NEDD9: variants seen among roughly 807,000 people sequenced by gnomAD.
The protein encoded by NEDD9 is enhancer of filamentation 1.
In NEDD9, 26 loss-of-function variants were observed where a neutral mutation model predicts 76.6. The observed-to-expected ratio is 0.34, with a 90% CI of 0.25 to 0.47. The LOEUF (loss-of-function observed/expected upper bound fraction) is 0.47. Among genes scored for constraint, NEDD9 ranks in the 20% least tolerant of loss-of-function variants. The pLI, the probability that NEDD9 is intolerant of heterozygous loss-of-function variation, is 1.00. For missense variants in NEDD9, 937 were observed against 1,058.5 expected (o/e 0.89, Z 1.59); for synonymous variants, 392 against 414.2 (o/e 0.95, Z 0.65).
chr6:11,296,625 T>C (rs1033446592), intron 3 of NEDD9, among the ~76,000 whole-genome samples: 11 of 147,910 alleles, frequency 7.4e-5, no homozygotes, highest in East Asian at 4.0e-4. Context: ...TTCCTTTCTT[T>C]CTTCCTTCCT....
intron 6 of NEDD9, among the ~76,000 whole-genome samples, chr6:11,187,849 C>G (rs146662687): frequency 6.6e-5 from 10 of 152,336 alleles, no homozygotes; most frequent in African/African-American, 2.2e-4. Context: ...CCAGACCTGG[C>G]TCTATCTTCA....
At chr6:11,205,828 G>C (rs915091162) in intron 2 of NEDD9, among the ~76,000 whole-genome samples, 1 of 152,008 alleles carries the variant, frequency 6.6e-6, no homozygotes, top group African/African-American at 2.4e-5. Context: ...GGGTTTCATG[G>C]TATCAGTCAG....
At chr6:11,330,798 T>C (rs958882098) in intron 2 of NEDD9, among the ~76,000 whole-genome samples, 2 of 152,238 alleles carry the variant, frequency 1.3e-5, no homozygotes, top group African/African-American at 4.8e-5. Context: ...TTTTATCAGT[T>C]ATAAAATTCT....
intron 1 of NEDD9, chr6:11,214,252 G>C (rs745813767): frequency 1.8e-5 from 9 of 506,336 alleles, no homozygotes; most frequent in Middle Eastern, 3.2e-4. Flanking sequence ...CCTTGGCAGG[G>C]CTTAGAAATT....
intron 3 of NEDD9, among the ~76,000 whole-genome samples, chr6:11,285,230 C>T (rs1162173449): frequency 6.6e-6 from 1 of 152,228 alleles, no homozygotes; most frequent in East Asian, 1.9e-4. Context: ...TCCTGACAGT[C>T]TGATACTGAG....
intron 2 of NEDD9, among the ~76,000 whole-genome samples, chr6:11,332,519 C>G (rs1302065524): frequency 6.6e-6 from 1 of 152,236 alleles, no homozygotes; most frequent in Non-Finnish European, 1.5e-5. Context: ...AACACCACAG[C>G]CTTGCACGTG....
rs558950684 is a variant in NEDD9, at chr6:11,241,805, C to T, written c.13-28078G>A. The stretch of plus-strand genomic sequence containing the variant: ...CCCCGCTGCCCTCATCAGCTGAGGC[C>T]GGCCAATGTCCAGCAGGCCCCGGGC... On this transcript the variant is annotated intron_variant, in intron 3 of 3. Coordinates refer to the NEDD9 transcript ENST00000397378. The surrounding 1 kb of genome is among the most constrained non-coding windows in gnomAD (Gnocchi z 4.0). 2.0e-5 allele frequency among the ~76,000 whole-genome samples: 3 copies of T among 152,328 alleles called. No individual in the cohort carries two copies. Among genetic ancestry groups the T allele is most frequent in the Non-Finnish European group, 2.9e-5 (2 of 68,022 alleles).
intron 3 of NEDD9, among the ~76,000 whole-genome samples, chr6:11,245,638 G>A (rs1267053549): frequency 6.6e-6 from 1 of 151,868 alleles, no homozygotes. Flanking sequence ...TGCGTTGGGG[G>A]AAAAAAATCA....
At chr6:11,332,253 G>C (rs1262195911) in intron 2 of NEDD9, among the ~76,000 whole-genome samples, 1 of 152,192 alleles carries the variant, frequency 6.6e-6, no homozygotes, top group Non-Finnish European at 1.5e-5. Flanking sequence ...AGAACTGCCA[G>C]GTTTGTTTTC....
intron 3 of NEDD9, among the ~76,000 whole-genome samples, chr6:11,289,183 A>G (rs1760711178): frequency 6.6e-6 from 1 of 152,268 alleles, no homozygotes; most frequent in African/African-American, 2.4e-5. Flanking sequence ...GAAGAGCTGG[A>G]ACAGCTAGCA....
intron 1 of NEDD9, among the ~76,000 whole-genome samples, chr6:11,357,900 C>T (rs1043857426): frequency 5.3e-5 from 8 of 152,152 alleles, no homozygotes; most frequent in African/African-American, 1.7e-4. Context: ...CCTTCCCTGC[C>T]TTTCTTCCAC....
chr6:11,372,536 T>C (rs1181607303), intron 1 of NEDD9, among the ~76,000 whole-genome samples: 1 of 152,368 alleles, frequency 6.6e-6, no homozygotes, highest in South Asian at 2.1e-4. Flanking sequence ...CTGGATCATA[T>C]GACAGCTCTA....
At chr6:11,346,733 T>C (rs1168533751) in intron 1 of NEDD9, among the ~76,000 whole-genome samples, 1 of 152,206 alleles carries the variant, frequency 6.6e-6, no homozygotes, top group Non-Finnish European at 1.5e-5. Context: ...TGACTTGCTT[T>C]GATCACTCAG....
chr6:11,317,168 C>T (rs1019849285), intron 2 of NEDD9, among the ~76,000 whole-genome samples: 1 of 152,140 alleles, frequency 6.6e-6, no homozygotes, highest in Non-Finnish European at 1.5e-5. Flanking sequence ...CACGGTGACT[C>T]ACACTTGTAA....
chr6:11,222,776 A>C (rs553729981), intron 1 of NEDD9, among the ~76,000 whole-genome samples: 5 of 152,372 alleles, frequency 3.3e-5, no homozygotes, highest in Admixed American at 6.5e-5. Flanking sequence ...TCACTGAAAC[A>C]AACTGGGGCT....
At chr6:11,300,526 C>G (rs1222467871) in intron 3 of NEDD9, among the ~76,000 whole-genome samples, 1 of 152,188 alleles carries the variant, frequency 6.6e-6, no homozygotes, top group Non-Finnish European at 1.5e-5. Flanking sequence ...CACAAAGATA[C>G]TCCTCAAGAA....
intron 2 of NEDD9, among the ~76,000 whole-genome samples, chr6:11,332,694 G>A (rs1399091210): frequency 1.3e-5 from 2 of 152,222 alleles, no homozygotes; most frequent in Admixed American, 1.3e-4. Flanking sequence ...GAAGCTGGGT[G>A]AGTGTGCTCT....
At chr6:11,265,282 G>A (rs1308313400) in intron 3 of NEDD9, among the ~76,000 whole-genome samples, 2 of 152,176 alleles carry the variant, frequency 1.3e-5, no homozygotes, top group Non-Finnish European at 2.9e-5. Context: ...ATATGGACAA[G>A]GAGAGATAAG....
chr6:11,243,104 C>A (rs1037720005), intron 3 of NEDD9, among the ~76,000 whole-genome samples: 1 of 152,132 alleles, frequency 6.6e-6, no homozygotes, highest in African/African-American at 2.4e-5. Context: ...CAGGATCTTC[C>A]CTTTGCCACC....
Sources: gnomAD v4.1 joint callset for allele counts (sites outside exome capture counted in the v4.1 genomes callset) on GRCh38, gnomAD v4.1.1 for gene constraint, Gnocchi (gnomAD v3.1) non-coding constraint, MANE v1.5 for transcripts, NCBI Gene and HGNC (gene_info 2026-07-23, HGNC 2026-07-21) for gene names.